Variants in ZC4H2 observed in about 807,000 individuals in gnomAD.
ZC4H2 encodes zinc finger C4H2-type containing.
For missense variants in ZC4H2, 137 were observed against 173.9 expected, an observed-to-expected ratio of 0.79 and a Z score of 1.19; for synonymous variants, 84 against 66.3, an observed-to-expected ratio of 1.27 and a Z score of -1.30.
chrX:64,967,023 C>A (rs1931616265), intron 1 of ZC4H2, among the ~76,000 whole-genome samples: 1 of 111,494 alleles, frequency 9.0e-6, no homozygotes. Flanking sequence ...TCCCACTAAA[C>A]ATAACTTCTA....
chrX:65,032,202 C>A (rs1176771971), intron 1 of ZC4H2, among the ~76,000 whole-genome samples: 2 of 111,785 alleles, frequency 1.8e-5, no homozygotes, highest in African/African-American at 3.3e-5. Context: ...GAAAGGAACA[C>A]AGAAGAATTA....
At chrX:64,951,883 T>G (rs1930859673) in intron 1 of ZC4H2, among the ~76,000 whole-genome samples, 2 of 111,692 alleles carry the variant, frequency 1.8e-5, no homozygotes, top group South Asian at 7.5e-4. Flanking sequence ...CCAATTCGTA[T>G]GTCCTGAATG....
In ZC4H2 at chrX:64,920,060, G is replaced by A. The variant is rs191275625; in HGVS notation, c.398+21C>T. 7.0e-3 allele frequency: 8,450 copies of A among 1,202,594 alleles called. 33 individuals are homozygous for A. The highest frequency in any genetic ancestry group is 0.012 in the Middle Eastern group (46 of 3,788). On this transcript the variant is annotated intron_variant, in intron 3 of 4. Transcript: ENST00000374839. Reference sequence around the variant, plus strand: ...GGTCGGAGGGAGGGTATGTTGTAGGGACTGGGGGCAGGTAGCTTACTCCAA... The same window carrying A: ...GGTCGGAGGGAGGGTATGTTGTAGGAACTGGGGGCAGGTAGCTTACTCCAA...
intron 1 of ZC4H2, among the ~76,000 whole-genome samples, chrX:64,970,323 T>A (rs931009412): frequency 1.8e-5 from 2 of 111,602 alleles, no homozygotes; most frequent in African/African-American, 6.5e-5. Context: ...TGGCCAGCAT[T>A]GTTTGGCTTA....
intron 1 of ZC4H2, among the ~76,000 whole-genome samples, chrX:64,954,062 G>A (rs1052400594): frequency 1.1e-4 from 12 of 106,768 alleles, no homozygotes; most frequent in East Asian, 5.9e-4. Flanking sequence ...GCAAACTATC[G>A]CAAGGACGAA....
intron 1 of ZC4H2, among the ~76,000 whole-genome samples, chrX:64,925,009 G>C (rs745760262): frequency 1.3e-4 from 15 of 111,278 alleles, no homozygotes; most frequent in Non-Finnish European, 2.3e-4. Flanking sequence ...AATAATAATA[G>C]CATCTACTTT....
At chrX:64,941,992 T>C (rs1216158547) in intron 1 of ZC4H2, among the ~76,000 whole-genome samples, 1 of 111,774 alleles carries the variant, frequency 8.9e-6, no homozygotes, top group Non-Finnish European at 1.9e-5. Flanking sequence ...TTACCTTTGA[T>C]AGAATTTGGC....
chrX:64,953,682 G>C (rs960346066), intron 1 of ZC4H2, among the ~76,000 whole-genome samples: 2 of 111,827 alleles, frequency 1.8e-5, no homozygotes, highest in Non-Finnish European at 3.8e-5. Flanking sequence ...GTGCTGGAGA[G>C]AATGTGGAGA....
At chrX:65,027,627 C>T (rs943900766) in intron 1 of ZC4H2, among the ~76,000 whole-genome samples, 1 of 110,883 alleles carries the variant, frequency 9.0e-6, no homozygotes, top group African/African-American at 3.3e-5. Flanking sequence ...TAAAATACAC[C>T]TACCCAGAGA....
At chrX:64,953,062 G>A (rs1048743379) in intron 1 of ZC4H2, among the ~76,000 whole-genome samples, 10 of 111,941 alleles carry the variant, frequency 8.9e-5, no homozygotes, top group African/African-American at 2.6e-4. Context: ...ACAAAAACAA[G>A]CAATGGGGAA....
chrX:64,963,789 C>T (rs1931487975), intron 1 of ZC4H2, among the ~76,000 whole-genome samples: 1 of 111,214 alleles, frequency 9.0e-6, no homozygotes, highest in African/African-American at 3.3e-5. Flanking sequence ...GCATTAATTA[C>T]AATAGCCAAG....
chrX:64,970,951 A>T (rs1161819316), intron 1 of ZC4H2, among the ~76,000 whole-genome samples: 2 of 112,182 alleles, frequency 1.8e-5, no homozygotes, highest in Admixed American at 1.9e-4. Flanking sequence ...TTCAACAGAG[A>T]CACAGTAAGA....
chrX:64,952,888 AGCTGGAG>A (rs776690957), intron 1 of ZC4H2, among the ~76,000 whole-genome samples: 12 of 111,740 alleles, frequency 1.1e-4, no homozygotes, highest in African/African-American at 3.6e-4. Flanking sequence ...AAAAGAACAA[AGCTGGAG>A]GCATCACGCT....
At chrX:64,918,079 G>A (rs1215428070) in intron 4 of ZC4H2, 183 bp from the exon 5 acceptor site, 1 of 465,386 alleles carries the variant, frequency 2.1e-6, no homozygotes, top group Non-Finnish European at 3.4e-6. Flanking sequence ...ACATAACCCA[G>A]TTCAGAGAAT....
rs1400880508 is a variant in ZC4H2 at position 64,989,359 on chromosome X, T to A, written c.-272+45270A>T. On this transcript the variant is annotated intron_variant, in intron 1 of 4. Transcript: ENST00000337990. ...ATTCTTGCTATCCATGAGCATGGAA[T>A]GTTCTTCCATTTGTTTGTATCCTCT... is the stretch of plus-strand genomic sequence containing the variant. Among the ~76,000 whole-genome samples, 8 of 112,082 alleles carry A rather than the reference T, an allele frequency of 7.1e-5. 1 individual carries two copies. Among genetic ancestry groups the A allele is most frequent in the Non-Finnish European group, 1.5e-4 (8 of 53,237 alleles).
At chrX:64,927,220 GT>G (rs1301497363) in intron 1 of ZC4H2, among the ~76,000 whole-genome samples, 2 of 110,538 alleles carry the variant, frequency 1.8e-5, no homozygotes, top group African/African-American at 3.3e-5. Flanking sequence ...TGCCATGGTG[GT>G]TTGCTGCACC....
chrX:64,964,175 T>C (rs1407628853), intron 1 of ZC4H2, among the ~76,000 whole-genome samples: 3 of 110,961 alleles, frequency 2.7e-5, no homozygotes, highest in Non-Finnish European at 5.7e-5. Context: ...TGAGGGTAGA[T>C]CTCAAGTTCT....
At chrX:64,989,733 A>G (rs1478858570) in intron 1 of ZC4H2, among the ~76,000 whole-genome samples, 1 of 112,424 alleles carries the variant, frequency 8.9e-6, no homozygotes, top group African/African-American at 3.2e-5. Context: ...ATGAAGAAAC[A>G]TTTCACTGAA....
chrX:64,995,852 C>T (rs1932402821), intron 1 of ZC4H2, among the ~76,000 whole-genome samples: 1 of 112,296 alleles, frequency 8.9e-6, no homozygotes, highest in Non-Finnish European at 1.9e-5. Context: ...GGGCAGAAAA[C>T]TTGTGAGCAT....
Sources: gnomAD v4.1 joint callset for allele counts (sites outside exome capture counted in the v4.1 genomes callset) on GRCh38, gnomAD v4.1.1 for gene constraint, MANE v1.5 for transcripts, NCBI Gene and HGNC (gene_info 2026-07-23, HGNC 2026-07-21) for gene names.